The following PTPRG variants were observed in gnomAD, a reference collection of about 807,000 sequenced individuals.
PTPRG encodes receptor-type tyrosine-protein phosphatase gamma.
PTPRG carries 102 observed loss-of-function variants against 165.3 expected under a neutral mutation model. The ratio of observed to expected loss-of-function variants is 0.62; its 90% CI spans 0.53 to 0.73. The LOEUF (loss-of-function observed/expected upper bound fraction) is 0.73. PTPRG is among the 30% of genes least tolerant of loss of function. The pLI, the probability that PTPRG is intolerant of heterozygous loss-of-function variation, is 0.00. For missense variants in PTPRG, 1,866 were observed against 1,861.4 expected, an observed-to-expected ratio of 1.00 and a Z score of -0.05; for synonymous variants, 675 against 669.5, an observed-to-expected ratio of 1.01 and a Z score of -0.13.
intron 1 of PTPRG, among the ~76,000 whole-genome samples, chr3:61,643,260 GGAGA>G (rs926734882): frequency 7.2e-6 from 1 of 138,506 alleles, no homozygotes. Flanking sequence ...CCCCATCTGG[GGAGA>G]GAGAGAGAGA....
chr3:61,667,316 C>T (rs1254088365), intron 1 of PTPRG, among the ~76,000 whole-genome samples: 1 of 152,184 alleles, frequency 6.6e-6, no homozygotes, highest in Non-Finnish European at 1.5e-5. Flanking sequence ...GATGCAAAGG[C>T]GTTAACATAG....
At chr3:61,931,742 A>G (rs1415341302) in intron 2 of PTPRG, among the ~76,000 whole-genome samples, 1 of 152,198 alleles carries the variant, frequency 6.6e-6, no homozygotes, top group African/African-American at 2.4e-5. Flanking sequence ...CCTCAAAACA[A>G]AAACAAAAAC....
chr3:61,670,511 C>A (rs535862554), intron 1 of PTPRG, among the ~76,000 whole-genome samples: 13 of 152,206 alleles, frequency 8.5e-5, no homozygotes, highest in Admixed American at 8.5e-4. Context: ...GTATTGTCTG[C>A]GCCCTTATTG....
At chr3:61,664,269 C>G (rs1298247903) in intron 1 of PTPRG, among the ~76,000 whole-genome samples, 1 of 152,092 alleles carries the variant, frequency 6.6e-6, no homozygotes, top group Non-Finnish European at 1.5e-5. Context: ...AAGAAGGTAA[C>G]ATTACAGTTG....
chr3:62,264,656 A>G (rs888851172), intron 17 of PTPRG, among the ~76,000 whole-genome samples: 3 of 152,108 alleles, frequency 2.0e-5, no homozygotes, highest in African/African-American at 7.2e-5. Context: ...ATAATACTCT[A>G]ATGTGTGGAT....
intron 1 of PTPRG, among the ~76,000 whole-genome samples, chr3:61,606,626 A>C (rs1419837011): frequency 6.6e-6 from 1 of 152,196 alleles, no homozygotes; most frequent in Non-Finnish European, 1.5e-5. Context: ...ATTTTCTTAC[A>C]CTTCTGGAGG....
At chr3:62,128,568 G>A (rs1368526096) in intron 5 of PTPRG, among the ~76,000 whole-genome samples, 2 of 151,590 alleles carry the variant, frequency 1.3e-5, no homozygotes, top group African/African-American at 2.4e-5. Context: ...TTTATTGGAT[G>A]TGGCATTTGT....
intron 2 of PTPRG, chr3:61,770,203 C>T (rs1429877720): frequency 6.6e-6 from 1 of 152,022 alleles, no homozygotes; most frequent in African/African-American, 2.4e-5. Context: ...AAAATGACAG[C>T]CAGGAGTTGC....
chr3:61,697,079 C>T (rs2106685994), intron 1 of PTPRG, among the ~76,000 whole-genome samples: 1 of 152,228 alleles, frequency 6.6e-6, no homozygotes. Flanking sequence ...TCACTTTTAC[C>T]TTCCCTGACC....
At chr3:62,005,068 A>G (rs1303966184) in intron 4 of PTPRG, among the ~76,000 whole-genome samples, 1 of 152,166 alleles carries the variant, frequency 6.6e-6, no homozygotes, top group Non-Finnish European at 1.5e-5. Context: ...GGCCATGTAT[A>G]TTTGTTTCTT....
intron 16 of PTPRG, among the ~76,000 whole-genome samples, chr3:62,260,484 A>G (rs913110297): frequency 2.0e-5 from 3 of 151,940 alleles, no homozygotes; most frequent in African/African-American, 7.3e-5. Context: ...TCAGTCTTCG[A>G]TTTTTTGCTT....
At chr3:62,053,151 T>A (rs1265283093) in intron 4 of PTPRG, among the ~76,000 whole-genome samples, 1 of 152,004 alleles carries the variant, frequency 6.6e-6, no homozygotes, top group Non-Finnish European at 1.5e-5. Flanking sequence ...GATATATGAG[T>A]GTCATTTTTT....
intron 6 of PTPRG, among the ~76,000 whole-genome samples, chr3:62,138,730 A>G (rs1209346457): frequency 6.6e-6 from 1 of 151,434 alleles, no homozygotes; most frequent in African/African-American, 2.4e-5. Flanking sequence ...AAAAAAAAAA[A>G]AAAAAAGAAA....
chr3:61,722,092 A>G (rs571273133), intron 1 of PTPRG, among the ~76,000 whole-genome samples: 1 of 152,296 alleles, frequency 6.6e-6, no homozygotes, highest in Non-Finnish European at 1.5e-5. Context: ...TATAAGGCAC[A>G]GAAATTTATT....
chr3:61,738,673 A>C (rs1432494283), intron 1 of PTPRG, among the ~76,000 whole-genome samples: 1 of 152,006 alleles, frequency 6.6e-6, no homozygotes, highest in Non-Finnish European at 1.5e-5. Context: ...ACAATTACAC[A>C]TTTTAAATGA....
chr3:61,917,689 C>T (rs12491984), intron 2 of PTPRG, among the ~76,000 whole-genome samples: 3 of 152,088 alleles, frequency 2.0e-5, no homozygotes, highest in Admixed American at 2.0e-4. Flanking sequence ...CAGCACTTTG[C>T]GAGGCTGAGG....
At chr3:61,831,877 A>G (rs951812896) in intron 2 of PTPRG, among the ~76,000 whole-genome samples, 1 of 152,208 alleles carries the variant, frequency 6.6e-6, no homozygotes, top group African/African-American at 2.4e-5. Context: ...GATGGGTGGT[A>G]AAAGTTTTCT....
rs555352230 is a variant in PTPRG at position 62,100,783 on chromosome 3, T to C, written c.615+22525T>C. 3.3e-5 allele frequency among the ~76,000 whole-genome samples: 5 copies of C among 152,346 alleles called. No homozygotes were observed. The South Asian group carries it at 1.0e-3, about 32-fold the overall frequency. ...AGGCATTTTTAAATGGTGCACTGTT[T>C]CCACTGAGCTGTGGACAGATGGGTT... On this transcript the variant is annotated intron_variant, in intron 5 of 29. Coordinates refer to ENST00000474889, the MANE Select transcript of PTPRG (RefSeq NM_002841.4).
At chr3:61,929,397 C>T (rs1419669327) in intron 2 of PTPRG, among the ~76,000 whole-genome samples, 1 of 152,066 alleles carries the variant, frequency 6.6e-6, no homozygotes, top group Non-Finnish European at 1.5e-5. Flanking sequence ...GTGGCATTCT[C>T]TTTTAATCCA....
Sources: allele counts gnomAD v4.1 joint callset (sites outside exome capture counted in the v4.1 genomes callset), GRCh38; gene constraint gnomAD v4.1.1; transcripts MANE v1.5; gene names NCBI Gene and HGNC (gene_info 2026-07-23, HGNC 2026-07-21).